NHEJ1: variants seen among roughly 807,000 people sequenced by gnomAD.
The protein encoded by NHEJ1 is non-homologous end joining factor 1.
In NHEJ1, 22 loss-of-function variants were observed where a neutral mutation model predicts 39.4. The observed-to-expected ratio is 0.56, with a 90% confidence interval of 0.40 to 0.80. The LOEUF is 0.80. Among genes scored for constraint, NHEJ1 ranks in the 30% least tolerant of loss-of-function variants. NHEJ1 has a pLI of 0.00. For synonymous variants in NHEJ1, 154 were observed against 135.6 expected (o/e 1.14, Z -0.94); for missense variants, 329 against 357.1 (o/e 0.92, Z 0.63).
intron 5 of NHEJ1, among the ~76,000 whole-genome samples, chr2:219,130,103 G>C (rs1279487140): frequency 2.7e-5 from 4 of 149,306 alleles, no homozygotes; most frequent in Admixed American, 2.0e-4. Flanking sequence ...CAGTTTAAAA[G>C]GCTCCGTCCC....
At chr2:219,095,639 G>C (rs1431841713) in intron 5 of NHEJ1, among the ~76,000 whole-genome samples, 1 of 152,124 alleles carries the variant, frequency 6.6e-6, no homozygotes, top group African/African-American at 2.4e-5. Context: ...ATCCATAGCA[G>C]GGATTAGTTT....
At chr2:219,107,539 C>G (rs1197366011) in intron 5 of NHEJ1, among the ~76,000 whole-genome samples, 1 of 152,160 alleles carries the variant, frequency 6.6e-6, no homozygotes. Context: ...AGAAGGTAAG[C>G]AGACTGGCAT....
chr2:219,132,512 C>T (rs1949588269), intron 5 of NHEJ1, among the ~76,000 whole-genome samples: 1 of 152,176 alleles, frequency 6.6e-6, no homozygotes, highest in African/African-American at 2.4e-5. Context: ...AGAAGGGGTT[C>T]TCTGGAGTAA....
intron 5 of NHEJ1, among the ~76,000 whole-genome samples, chr2:219,133,600 C>CCT (rs1949598500): frequency 6.6e-6 from 1 of 152,218 alleles, no homozygotes; most frequent in African/African-American, 2.4e-5. Context: ...GTTGAGAGTT[C>CCT]AGAAGAGGAA....
chr2:219,072,496 C>T lies in NHEJ1; in HGVS notation c.*3885G>A, dbSNP rs1370440294. Among the ~76,000 whole-genome samples, 1 of 152,180 alleles carries T rather than the reference C, an allele frequency of 6.6e-6. No individual in the cohort carries two copies. Among genetic ancestry groups the T allele is most frequent in the Non-Finnish European group, 1.5e-5 (1 of 68,036 alleles). On this transcript the variant is annotated 3_prime_UTR_variant, in exon 8 of 8. Coordinates refer to ENST00000356853, the MANE Select transcript of NHEJ1 (RefSeq NM_024782.3). The stretch of plus-strand genomic sequence containing the variant: ...AAGAAAAATTAGAAGACAGAAACTA[C>T]TTCACAGTAGAGCTTAGAAAAACAT...
intron 5 of NHEJ1, among the ~76,000 whole-genome samples, chr2:219,108,038 G>A (rs1949330241): frequency 1.3e-5 from 2 of 151,936 alleles, no homozygotes; most frequent in Non-Finnish European, 2.9e-5. Flanking sequence ...TAGCTTCTGG[G>A]TGCCCAGCCC....
intron 5 of NHEJ1, among the ~76,000 whole-genome samples, chr2:219,118,000 G>C (rs1004229450): frequency 5.3e-5 from 8 of 152,138 alleles, no homozygotes; most frequent in Admixed American, 3.3e-4. Context: ...CTTTTTAATA[G>C]GTTTCCCCTT....
At chr2:219,087,917 A>G (rs550610506) in intron 5 of NHEJ1, among the ~76,000 whole-genome samples, 12 of 152,358 alleles carry the variant, frequency 7.9e-5, no homozygotes, top group Non-Finnish European at 1.5e-4. Context: ...CTTAAAAATC[A>G]GTAAGAAAAA....
chr2:219,136,366 G>A (rs979045884), intron 5 of NHEJ1, among the ~76,000 whole-genome samples: 1 of 148,872 alleles, frequency 6.7e-6, no homozygotes, highest in Admixed American at 6.8e-5. Context: ...TTGGCTGACT[G>A]CAACCTCAGC....
rs187079539 is a variant in NHEJ1 at position 219,089,010 on chromosome 2, G to A, written c.589-10804C>T. Among the ~76,000 whole-genome samples the A allele has an allele frequency of 1.7e-3, 255 of 152,120 alleles. No individual in the cohort carries two copies. The Middle Eastern group carries it at 0.017, about 10-fold the overall frequency. ...TCTTTTTGTATTTTTTAGTAGAGAC[G>A]GGGTTTCACTGTGTTAGCCAGGATG... On this transcript the variant is annotated intron_variant, in intron 5 of 7. Coordinates refer to ENST00000356853, the MANE Select transcript of NHEJ1 (RefSeq NM_024782.3).
intron 5 of NHEJ1, among the ~76,000 whole-genome samples, chr2:219,131,906 C>T (rs1441824682): frequency 6.6e-6 from 1 of 152,216 alleles, no homozygotes; most frequent in African/African-American, 2.4e-5. Flanking sequence ...AAACTTCCAA[C>T]AGGTGTAACA....
chr2:219,080,538 T>TA (rs1274011169), intron 5 of NHEJ1, among the ~76,000 whole-genome samples: 1 of 139,460 alleles, frequency 7.2e-6, no homozygotes, highest in African/African-American at 2.8e-5. Flanking sequence ...AAAAAATAAA[T>TA]AAATAAATAA....
intron 5 of NHEJ1, among the ~76,000 whole-genome samples, chr2:219,116,100 C>T (rs1035691108): frequency 2.6e-5 from 4 of 152,110 alleles, no homozygotes; most frequent in African/African-American, 9.7e-5. Context: ...AGCCTGGCAA[C>T]AGAGCAAGAC....
At position 219,159,568 on chromosome 2, in the gene NHEJ1, TATATATGC is replaced by T. The variant is rs1206248999; in HGVS notation, c.-1+1144_-1+1151del. Among the ~76,000 whole-genome samples the T allele has an allele frequency of 5.0e-3, 72 of 14,490 alleles. 8 individuals are homozygous for T. Among genetic ancestry groups the T allele is most frequent in the Non-Finnish European group, 0.016 (28 of 1,710 alleles). The allele number at this position is 14,490 out of a possible 152,430, so 9.5% of individuals were successfully genotyped here. ...ATATATATGCATATATATATGCATA[TATATATGC>T]ATATATATATGCATATATATATATG... On this transcript the variant is annotated intron_variant, in intron 1 of 7. Coordinates refer to ENST00000356853, the MANE Select transcript of NHEJ1 (RefSeq NM_024782.3).
intron 5 of NHEJ1, among the ~76,000 whole-genome samples, chr2:219,115,450 CAGA>C (rs1471178414): frequency 2.6e-5 from 4 of 152,172 alleles, no homozygotes; most frequent in East Asian, 1.9e-4. Context: ...AAGGGAGGAA[CAGA>C]AGAAGAGAGC....
chr2:219,152,313 T>A (rs1345878945), intron 3 of NHEJ1, among the ~76,000 whole-genome samples: 1 of 152,156 alleles, frequency 6.6e-6, no homozygotes, highest in Non-Finnish European at 1.5e-5. Flanking sequence ...TGTTCATAAG[T>A]CATGAGCAGG....
intron 5 of NHEJ1, among the ~76,000 whole-genome samples, chr2:219,081,438 G>C (rs1029766641): frequency 3.3e-5 from 5 of 152,212 alleles, no homozygotes; most frequent in African/African-American, 1.2e-4. Flanking sequence ...ACTGCCCAAA[G>C]TGGGGAGGGA....
chr2:219,089,616 A>G lies in NHEJ1; in HGVS notation c.589-11410T>C, dbSNP rs186208164. ...GAGAATGACTGCAAATAGGTATGGCATTTATTTTTGGGGTGATGAAAATGT... is the reference window on the plus strand; with the variant it reads ...GAGAATGACTGCAAATAGGTATGGCGTTTATTTTTGGGGTGATGAAAATGT... On this transcript the variant is annotated intron_variant, in intron 5 of 7. Coordinates refer to ENST00000356853, the MANE Select transcript of NHEJ1 (RefSeq NM_024782.3). Among the ~76,000 whole-genome samples the G allele has an allele frequency of 2.4e-3, 373 of 152,312 alleles. 2 individuals are homozygous for G. Among genetic ancestry groups the G allele is most frequent in the African/African-American group, 8.5e-3 (353 of 41,576 alleles).
chr2:219,099,332 T>C (rs1426333947), intron 5 of NHEJ1, among the ~76,000 whole-genome samples: 5 of 152,136 alleles, frequency 3.3e-5, no homozygotes, highest in Admixed American at 2.6e-4. Context: ...CCAGTAGCAC[T>C]TCTCAAGTTA....
Sources: allele counts gnomAD v4.1 joint callset (sites outside exome capture counted in the v4.1 genomes callset), GRCh38; gene constraint gnomAD v4.1.1; transcripts MANE v1.5; gene names NCBI Gene and HGNC (gene_info 2026-07-23, HGNC 2026-07-21).